The following DGKZ variants were observed in gnomAD, a reference collection of about 807,000 sequenced individuals.
DGKZ encodes the protein diacylglycerol kinase zeta, also known as DAG kinase zeta.
A neutral mutation model predicts 142.5 loss-of-function variants in DGKZ; 45 were observed. The observed-to-expected ratio is 0.32, with a 90% CI of 0.25 to 0.40. The LOEUF (loss-of-function observed/expected upper bound fraction) is 0.40. Ranked by LOEUF, DGKZ falls within the 10% of genes least tolerant of loss-of-function variation. The pLI, the probability that DGKZ is intolerant of heterozygous loss-of-function variation, is 1.00. For missense variants in DGKZ, 755 were observed against 1,306.5 expected (o/e 0.58, Z 6.51); for synonymous variants, 442 against 527.0 (o/e 0.84, Z 2.21).
intron 1 of DGKZ, among the ~76,000 whole-genome samples, chr11:46,357,343 A>G (rs770266235): frequency 9.2e-5 from 14 of 152,056 alleles, no homozygotes; most frequent in Non-Finnish European, 1.8e-4. Flanking sequence ...CATGGAGAAC[A>G]TGGAGCGGGC....
chr11:46,355,951 G>A (rs1941970209), intron 1 of DGKZ, among the ~76,000 whole-genome samples: 1 of 152,054 alleles, frequency 6.6e-6, no homozygotes, highest in Admixed American at 6.5e-5. Flanking sequence ...TCTCCATGTT[G>A]GTCAAGCTGG....
intron 1 of DGKZ, among the ~76,000 whole-genome samples, chr11:46,362,698 C>T (rs926134399): frequency 2.0e-5 from 3 of 152,202 alleles, no homozygotes; most frequent in South Asian, 2.1e-4. Flanking sequence ...AGGATGCCAA[C>T]GCCCTTGAAA....
At chr11:46,373,806 C>T (rs1273611599) in intron 14 of DGKZ, among the ~76,000 whole-genome samples, 2 of 152,192 alleles carry the variant, frequency 1.3e-5, no homozygotes, top group Non-Finnish European at 2.9e-5. Context: ...TCAGAAGATG[C>T]TGCTTTATTC....
At chr11:46,377,342 C>G in intron 25 of DGKZ, 130 bp downstream of exon 25, 1 of 1,420,694 alleles carries the variant, frequency 7.0e-7, no homozygotes, top group Non-Finnish European at 9.2e-7. Flanking sequence ...CTGGCCAAAG[C>G]CCACCTGACG....
intron 1 of DGKZ, chr11:46,364,326 A>C: frequency 2.4e-6 from 3 of 1,264,964 alleles, no homozygotes; most frequent in Non-Finnish European, 3.1e-6. Flanking sequence ...GAAATGATCT[A>C]AGTGTTTGTC....
chr11:46,337,258 T>C lies in DGKZ; in HGVS notation c.212+3771T>C, dbSNP rs1352229615. Among the ~76,000 whole-genome samples the C allele has an allele frequency of 2.0e-5, 3 of 150,930 alleles. 1 individual carries two copies. The highest frequency in any genetic ancestry group is 2.0e-4 in the Admixed American group (3 of 15,166). On this transcript the variant is annotated intron_variant, in intron 1 of 30. Transcript: ENST00000343674. ...TAAACTCAGTGGCTTCCAAACTGGA[T>C]CACCTGGGGGTCTCTTTTTAAATGG...
chr11:46,345,402 C>T (rs757659861), upstream of DGKZ: 25 of 1,426,252 alleles, frequency 1.8e-5, no homozygotes, highest in South Asian at 1.5e-4. This position sits in a 1 kb window ranked among gnomAD's most constrained non-coding sequence, Gnocchi z 4.1. Flanking sequence ...AGAGAGTCGC[C>T]GGGCAGGATG....
At chr11:46,342,885 A>C (rs1268874049), upstream of DGKZ, among the ~76,000 whole-genome samples, 1 of 152,196 alleles carries the variant, frequency 6.6e-6, no homozygotes, top group East Asian at 1.9e-4. Context: ...GGACTTTGGG[A>C]GGCCAAGGCG....
Position 46,367,462 on chromosome 11 carries a change from G to C in DGKZ, c.270+63G>C, listed in dbSNP as rs1024824543. 3.8e-5 allele frequency: 59 copies of C among 1,550,114 alleles called. No individual in the cohort carries two copies. Among genetic ancestry groups the C allele is most frequent in the Non-Finnish European group, 5.0e-5 (57 of 1,133,248 alleles). On this transcript the variant is annotated intron_variant, in intron 2 of 30. Transcript: ENST00000527911. The surrounding 1 kb of genome is among the most constrained non-coding windows in gnomAD (Gnocchi z 4.1). Reference sequence around the variant, plus strand: ...GGCTCTTGGCCAAGGCGCAGCTGGCGGGTGGAGGCACTAAAGGCAGCTGGG... The same window carrying C: ...GGCTCTTGGCCAAGGCGCAGCTGGCCGGTGGAGGCACTAAAGGCAGCTGGG...
Position 46,367,646 on chromosome 11 carries a change from G to T in DGKZ, c.271-6G>T, listed in dbSNP as rs1347662002. ...CGTGTGCTGAGCAAGCCCATCCCGT[G>T]GCTAGGAGTCAGCGACATATGGGGA... On this transcript the variant is annotated splice_region_variant and splice_polypyrimidine_tract_variant and intron_variant, in intron 2 of 30. Transcript: ENST00000527911. The surrounding 1 kb of genome is among the most constrained non-coding windows in gnomAD (Gnocchi z 4.1). 1 of 1,595,300 alleles carries T rather than the reference G, an allele frequency of 6.3e-7. No homozygotes were observed. The highest frequency in any genetic ancestry group is 8.6e-7 in the Non-Finnish European group (1 of 1,168,326).
rs753508151 is a variant in DGKZ at position 46,372,943 on chromosome 11, C to T, written c.1186-18C>T. The T allele has an allele frequency of 3.9e-6, 6 of 1,551,556 alleles. No individual in the cohort carries two copies. Among genetic ancestry groups the T allele is most frequent in the East Asian group, 4.9e-5 (2 of 41,124 alleles). ...CCTCTCCAGCCACAGAGGGCTCAGT[C>T]CCTGCCTGCTCCCCCAGGGCTACAC... On this transcript the variant is annotated intron_variant, in intron 13 of 30. Transcript: ENST00000527911. This position sits in a 1 kb window ranked among gnomAD's most constrained non-coding sequence, Gnocchi z 5.9.
exon 17 of DGKZ, chr11:46,374,663 G>A (rs1188187065): frequency 6.3e-7 from 1 of 1,595,032 alleles, no homozygotes; most frequent in South Asian, 1.1e-5. Context: ...ACATCCGAGT[G>A]GTGGTGAGCG....
intron 26 of DGKZ, 71 bp from the exon 27 acceptor site, chr11:46,378,386 T>A (rs1221653454): frequency 1.3e-6 from 2 of 1,555,306 alleles, no homozygotes; most frequent in African/African-American, 1.4e-5. Context: ...GCCGGCACAG[T>A]CCTGTCCACT....
intron 1 of DGKZ, chr11:46,364,776 C>T: frequency 1.0e-6 from 1 of 984,990 alleles, no homozygotes; most frequent in South Asian, 4.7e-5. Context: ...TCCTGCCCAA[C>T]ATGCGTCCAG....
exon 29 of DGKZ, chr11:46,379,229 G>A (rs1944929072): frequency 6.2e-7 from 1 of 1,613,186 alleles, no homozygotes; most frequent in Non-Finnish European, 8.5e-7. Flanking sequence ...TGATGCGGTG[G>A]AGGAAAAGTA....
Position 46,372,711 on chromosome 11 carries a change from G to A in DGKZ, c.1071+34G>A. 1 of 1,612,322 alleles carries A rather than the reference G, an allele frequency of 6.2e-7. No individual in the cohort carries two copies. Among genetic ancestry groups the A allele is most frequent in the Non-Finnish European group, 8.5e-7 (1 of 1,179,392 alleles). ...CCCGCATGGGCCAGCCGAGCACCAGGGCTGGGCCTGAAGCCGGGGTCCCTG... is the reference window on the plus strand; with the variant it reads ...CCCGCATGGGCCAGCCGAGCACCAGAGCTGGGCCTGAAGCCGGGGTCCCTG... On this transcript the variant is annotated intron_variant, in intron 12 of 30. Coordinates refer to ENST00000527911, the Ensembl canonical transcript of DGKZ. The surrounding 1 kb of genome is among the most constrained non-coding windows in gnomAD (Gnocchi z 5.9).
chr11:46,368,618 G>A (rs761864669), intron 4 of DGKZ: 26 of 255,006 alleles, frequency 1.0e-4, no homozygotes, highest in Admixed American at 2.0e-4. Flanking sequence ...GCCATCATAC[G>A]GGAGAGACTG....
chr11:46,368,202 A>G, intron 4 of DGKZ, 123 bp downstream of exon 4: 2 of 1,009,594 alleles, frequency 2.0e-6, no homozygotes, highest in Non-Finnish European at 3.1e-6. Flanking sequence ...TCGGGGGTGA[A>G]GAGTCAAGGA....
At chr11:46,359,770 AT>A (rs779825781) in intron 1 of DGKZ, among the ~76,000 whole-genome samples, 24,438 of 128,964 alleles carry the variant, frequency 0.19, 2,187 homozygotes, top group African/African-American at 0.29. Flanking sequence ...TGCCCGGCTA[AT>A]TTTTTTTTTT....
Sources: allele counts gnomAD v4.1 joint callset (sites outside exome capture counted in the v4.1 genomes callset), GRCh38; gene constraint gnomAD v4.1.1; non-coding constraint Gnocchi (gnomAD v3.1); transcripts MANE v1.5; gene names NCBI Gene and HGNC (gene_info 2026-07-23, HGNC 2026-07-21).